PGBD5: variants seen among roughly 807,000 people sequenced by gnomAD.
PGBD5 encodes the protein piggyBac transposable element-derived protein 5.
A neutral mutation model predicts 47.9 loss-of-function variants in PGBD5; 14 were observed. That is an observed-to-expected ratio of 0.29 (90% CI 0.19 to 0.46). The LOEUF is 0.46. Ranked by LOEUF, PGBD5 falls within the 20% of genes least tolerant of loss-of-function variation. PGBD5 has a pLI of 1.00. For missense variants in PGBD5, 635 were observed against 716.0 expected, an observed-to-expected ratio of 0.89 and a Z score of 1.29; for synonymous variants, 316 against 306.3, an observed-to-expected ratio of 1.03 and a Z score of -0.33.
chr1:230,319,993 G>C lies in PGBD5; in HGVS notation c.*3432C>G, dbSNP rs536521478. 7.9e-5 allele frequency: 12 copies of C among 151,902 alleles called. No individual in the cohort carries two copies. Among genetic ancestry groups the C allele is most frequent in the African/African-American group, 2.9e-4 (12 of 41,416 alleles). The allele number at this position is 151,902 out of a possible 1,614,324, so 9.4% of individuals were successfully genotyped here. ...ATTCTCCTGCTTAGCCTCCCGAGTAGCTGGGACTACAGGTGTCCACCACCA... is the reference window on the plus strand; with the variant it reads ...ATTCTCCTGCTTAGCCTCCCGAGTACCTGGGACTACAGGTGTCCACCACCA... On this transcript the variant is annotated 3_prime_UTR_variant, in exon 7 of 7. Coordinates refer to ENST00000391860, the MANE Select transcript of PGBD5 (RefSeq NM_001258311.2).
chr1:230,413,793 C>T (rs1023880244), intron 1 of PGBD5, among the ~76,000 whole-genome samples: 19 of 152,242 alleles, frequency 1.2e-4, no homozygotes, highest in Admixed American at 1.2e-3. Flanking sequence ...ATCTGTGGAT[C>T]GGCCGTTTGT....
At chr1:230,345,737 C>T (rs760881546) in intron 3 of PGBD5, among the ~76,000 whole-genome samples, 6 of 152,026 alleles carry the variant, frequency 3.9e-5, no homozygotes, top group African/African-American at 1.2e-4. Flanking sequence ...GTCAGCCAGG[C>T]GATCACGAGG....
At position 230,357,062 on chromosome 1, in the gene PGBD5, G is replaced by A. The variant is rs1477721427; in HGVS notation, c.591C>T (p.Arg197=). 1 of 1,614,184 alleles carries A rather than the reference G, an allele frequency of 6.2e-7. No homozygotes were observed. Among genetic ancestry groups the A allele is most frequent in the South Asian group, 1.1e-5 (1 of 91,082 alleles). Reference sequence around the variant, plus strand: ...CCTGGCTCATGACGAGGGCGAGGCTGCGGTTGCTGTAGAAGCCTCCGCTCC... The same window carrying A: ...CCTGGCTCATGACGAGGGCGAGGCTACGGTTGCTGTAGAAGCCTCCGCTCC... ...SIWSGGFYSN[R]SLALVMSQAR... The change falls in exon 2 of 7, where the codon CGC becomes CGT. Residue 197 remains arginine (R), a synonymous_variant. Coordinates refer to ENST00000391860, the MANE Select transcript of PGBD5 (RefSeq NM_001258311.2). This position sits in a 1 kb window ranked among gnomAD's most constrained non-coding sequence, Gnocchi z 5.7.
chr1:230,378,937 G>A (rs1475114013), intron 1 of PGBD5, among the ~76,000 whole-genome samples: 1 of 152,144 alleles, frequency 6.6e-6, no homozygotes, highest in African/African-American at 2.4e-5. Flanking sequence ...TGTACAAGGT[G>A]AAAGGAGCTG....
chr1:230,347,822 A>C (rs1667498807), intron 3 of PGBD5, among the ~76,000 whole-genome samples: 1 of 152,176 alleles, frequency 6.6e-6, no homozygotes, highest in African/African-American at 2.4e-5. Flanking sequence ...TGGGTCAATT[A>C]CAGTGGGTCT....
At position 230,421,434 on chromosome 1, in the gene PGBD5, T is replaced by C. The variant is rs115067548; in HGVS notation, c.331+4164A>G. ...GAATTATTGAGTCTGACTAGTTAGA[T>C]GGTGATCACTTAATCTGGTAATCTC... On this transcript the variant is annotated intron_variant, in intron 1 of 6. Transcript: ENST00000391860. Among the ~76,000 whole-genome samples, 1,230 of 152,322 alleles carry C rather than the reference T, an allele frequency of 8.1e-3. 17 individuals carry two copies. The highest frequency in any genetic ancestry group is 0.029 in the African/African-American group (1,186 of 41,558).
intron 3 of PGBD5, among the ~76,000 whole-genome samples, chr1:230,341,239 G>C (rs149550303): frequency 6.6e-6 from 1 of 152,286 alleles, no homozygotes; most frequent in African/African-American, 2.4e-5. Flanking sequence ...AGGAAAAACT[G>C]TTGGCAAGGC....
intron 3 of PGBD5, among the ~76,000 whole-genome samples, chr1:230,344,739 T>C (rs578143812): frequency 6.6e-6 from 1 of 152,316 alleles, no homozygotes; most frequent in South Asian, 2.1e-4. Flanking sequence ...GGGGTTACCA[T>C]CTTGAATTCT....
chr1:230,384,588 G>C (rs1250760724), intron 1 of PGBD5, among the ~76,000 whole-genome samples: 1 of 152,050 alleles, frequency 6.6e-6, no homozygotes. Context: ...AGCAGGGGAG[G>C]TAAATTTTAT....
At chr1:230,366,556 T>C (rs1420934982) in intron 1 of PGBD5, among the ~76,000 whole-genome samples, 1 of 152,236 alleles carries the variant, frequency 6.6e-6, no homozygotes. Flanking sequence ...CTGAACTAGT[T>C]GCTGTCCAGC....
chr1:230,390,821 C>T (rs1489903922), intron 1 of PGBD5, among the ~76,000 whole-genome samples: 1 of 152,070 alleles, frequency 6.6e-6, no homozygotes, highest in African/African-American at 2.4e-5. Context: ...CTCACTGCAA[C>T]CTCTGTCTCC....
chr1:230,359,817 A>G (rs1667715277), intron 1 of PGBD5, among the ~76,000 whole-genome samples: 1 of 152,202 alleles, frequency 6.6e-6, no homozygotes, highest in Admixed American at 6.5e-5. Flanking sequence ...GACTCTAACT[A>G]TCTGCATTTT....
At chr1:230,358,541 A>T (rs1667693512) in intron 1 of PGBD5, among the ~76,000 whole-genome samples, 1 of 152,148 alleles carries the variant, frequency 6.6e-6, no homozygotes, top group Non-Finnish European at 1.5e-5. Flanking sequence ...ATAAAACCTC[A>T]CAATTTTTGA....
intron 4 of PGBD5, among the ~76,000 whole-genome samples, chr1:230,333,343 C>G (rs1392279076): frequency 6.6e-6 from 1 of 152,180 alleles, no homozygotes; most frequent in African/African-American, 2.4e-5. Context: ...GGAGCTGTCA[C>G]CTGGACCCTC....
intron 1 of PGBD5, among the ~76,000 whole-genome samples, chr1:230,412,390 T>TC (rs1256139863): frequency 7.4e-6 from 1 of 135,074 alleles, no homozygotes; most frequent in Non-Finnish European, 1.7e-5. Flanking sequence ...CTAAAGTCTT[T>TC]TTTTTTTTTT....
At chr1:230,399,587 G>A (rs993347220) in intron 1 of PGBD5, among the ~76,000 whole-genome samples, 1 of 152,180 alleles carries the variant, frequency 6.6e-6, no homozygotes, top group Non-Finnish European at 1.5e-5. Flanking sequence ...ACCACGTAGA[G>A]CCAGCCTTCT....
intron 1 of PGBD5, among the ~76,000 whole-genome samples, chr1:230,371,587 T>C (rs828448): frequency 0.42 from 64,575 of 151,950 alleles, 14,805 homozygotes; most frequent in African/African-American, 0.58. Context: ...CCTGTTCAAC[T>C]TGGACAAGAG....
At chr1:230,389,517 T>C (rs570047574) in intron 1 of PGBD5, among the ~76,000 whole-genome samples, 1 of 152,302 alleles carries the variant, frequency 6.6e-6, no homozygotes, top group African/African-American at 2.4e-5. Context: ...ACGTTAAACT[T>C]TCCATAAAAT....
chr1:230,362,326 T>C (rs531278155), intron 1 of PGBD5: 1 of 1,367,756 alleles, frequency 7.3e-7, no homozygotes. Flanking sequence ...GAGGAATGGA[T>C]TATAGGGCGG....
Sources: gnomAD v4.1 joint callset for allele counts (sites outside exome capture counted in the v4.1 genomes callset) on GRCh38, gnomAD v4.1.1 for gene constraint, Gnocchi (gnomAD v3.1) non-coding constraint, MANE v1.5 for transcripts, NCBI Gene and HGNC (gene_info 2026-07-23, HGNC 2026-07-21) for gene names.